Variants in MAN1C1 observed in about 807,000 individuals in gnomAD.
The protein encoded by MAN1C1 is mannosyl-oligosaccharide 1,2-alpha-mannosidase IC.
A neutral mutation model predicts 71.5 loss-of-function variants in MAN1C1; 49 were observed. That is an observed-to-expected ratio of 0.69 (90% confidence interval 0.54 to 0.87). The LOEUF is 0.87. Among genes scored for constraint, MAN1C1 ranks in the 40% least tolerant of loss-of-function variants. The pLI is 0.00. For missense variants in MAN1C1, 743 were observed against 835.0 expected (o/e 0.89, Z 1.36); for synonymous variants, 352 against 343.7 (o/e 1.02, Z -0.27).
intron 1 of MAN1C1, among the ~76,000 whole-genome samples, chr1:25,683,453 T>A (rs1334055222): frequency 6.6e-6 from 1 of 152,194 alleles, no homozygotes; most frequent in Non-Finnish European, 1.5e-5. Flanking sequence ...TTTGTGCCAG[T>A]CCTTGGATGC....
chr1:25,716,769 C>T (rs368726868), intron 2 of MAN1C1, among the ~76,000 whole-genome samples: 1 of 152,178 alleles, frequency 6.6e-6, no homozygotes, highest in African/African-American at 2.4e-5. Flanking sequence ...TGTATTTCAA[C>T]ACCACTAAAA....
At chr1:25,717,009 G>A (rs1355321963) in intron 2 of MAN1C1, among the ~76,000 whole-genome samples, 1 of 152,086 alleles carries the variant, frequency 6.6e-6, no homozygotes, top group Non-Finnish European at 1.5e-5. Context: ...TTGCTCCTGT[G>A]TATTGTCGAG....
At chr1:25,682,736 G>A (rs375174938) in intron 1 of MAN1C1, among the ~76,000 whole-genome samples, 10 of 152,094 alleles carry the variant, frequency 6.6e-5, no homozygotes, top group African/African-American at 2.2e-4. Flanking sequence ...ATCACTGAGC[G>A]TGTTCAAAAA....
chr1:25,754,099 G>A (rs1240010493), intron 5 of MAN1C1, among the ~76,000 whole-genome samples: 5 of 152,140 alleles, frequency 3.3e-5, no homozygotes, highest in Non-Finnish European at 5.9e-5. Context: ...CTCTCAAGGA[G>A]CCCTAGCCAC....
In MAN1C1 at chr1:25,746,116, C is replaced by A. The variant is rs1046134509; in HGVS notation, c.638-552C>A. Among the ~76,000 whole-genome samples, 1 of 151,970 alleles carries A rather than the reference C, an allele frequency of 6.6e-6. No individual in the cohort carries two copies. Among genetic ancestry groups the A allele is most frequent in the African/African-American group, 2.4e-5 (1 of 41,350 alleles). The stretch of plus-strand genomic sequence containing the variant: ...GGCCAGGAGTTCAAGACCAGCCTGG[C>A]CAACATGGTGAAACCCCATCTCTAC... On this transcript the variant is annotated intron_variant, in intron 2 of 11. Coordinates refer to ENST00000374332, the MANE Select transcript of MAN1C1 (RefSeq NM_020379.4). This position sits in a 1 kb window ranked among gnomAD's most constrained non-coding sequence, Gnocchi z 4.0.
chr1:25,703,352 A>T (rs1007125444), intron 2 of MAN1C1, among the ~76,000 whole-genome samples: 3 of 152,212 alleles, frequency 2.0e-5, no homozygotes, highest in African/African-American at 7.2e-5. Flanking sequence ...GAGCCGGCAC[A>T]TCTAGGAGTT....
intron 1 of MAN1C1, among the ~76,000 whole-genome samples, chr1:25,630,947 T>TTTTG (rs75709016): frequency 0.19 from 29,283 of 151,428 alleles, 3,112 homozygotes; most frequent in East Asian, 0.36. Flanking sequence ...AGTACTATGT[T>TTTTG]TTTGTTTGTT....
At chr1:25,693,810 G>C (rs988964092) in intron 2 of MAN1C1, among the ~76,000 whole-genome samples, 1 of 152,140 alleles carries the variant, frequency 6.6e-6, no homozygotes, top group Non-Finnish European at 1.5e-5. Context: ...TTGTAGTCTT[G>C]TCACTTTGGG....
chr1:25,676,335 C>T (rs2046067807), intron 1 of MAN1C1, among the ~76,000 whole-genome samples: 1 of 152,116 alleles, frequency 6.6e-6, no homozygotes, highest in Admixed American at 6.5e-5. Flanking sequence ...CTTCTACTCC[C>T]CCGCTTCACC....
intron 4 of MAN1C1, among the ~76,000 whole-genome samples, chr1:25,752,567 A>G (rs1440508893): frequency 6.6e-6 from 1 of 152,192 alleles, no homozygotes; most frequent in African/African-American, 2.4e-5. Context: ...AGTTTTTCCC[A>G]CTATTCTAAA....
intron 8 of MAN1C1, 73 bp downstream of exon 8, chr1:25,771,845 G>A: frequency 8.5e-7 from 1 of 1,175,836 alleles, no homozygotes; most frequent in South Asian, 1.3e-5. Flanking sequence ...GAGCGAGGGT[G>A]CTGCGGGCAG....
At chr1:25,699,046 C>G (rs573430257) in intron 2 of MAN1C1, among the ~76,000 whole-genome samples, 1 of 151,970 alleles carries the variant, frequency 6.6e-6, no homozygotes, top group South Asian at 2.1e-4. Context: ...GTGCCTCACG[C>G]CTATAATCCC....
At chr1:25,655,727 AT>A (rs1299837402) in intron 1 of MAN1C1, among the ~76,000 whole-genome samples, 2 of 151,924 alleles carry the variant, frequency 1.3e-5, no homozygotes, top group South Asian at 2.1e-4. Context: ...GAAATTCTTC[AT>A]TTTTTCCTCC....
chr1:25,636,193 C>A (rs150574419), intron 1 of MAN1C1, among the ~76,000 whole-genome samples: 2 of 152,166 alleles, frequency 1.3e-5, no homozygotes. Context: ...CAGCTGTGCA[C>A]GTATTGTCTT....
intron 1 of MAN1C1, among the ~76,000 whole-genome samples, chr1:25,647,980 C>T (rs1005091500): frequency 6.6e-6 from 1 of 152,194 alleles, no homozygotes; most frequent in Non-Finnish European, 1.5e-5. Flanking sequence ...GCTGGAAAGA[C>T]CTGGAGCCAG....
chr1:25,692,824 G>T (rs997833298), intron 2 of MAN1C1, among the ~76,000 whole-genome samples: 1 of 152,188 alleles, frequency 6.6e-6, no homozygotes, highest in African/African-American at 2.4e-5. Flanking sequence ...CGTGGTCAGG[G>T]TCTGCAGCCT....
At chr1:25,719,343 G>T (rs1395809828) in intron 2 of MAN1C1, among the ~76,000 whole-genome samples, 1 of 150,444 alleles carries the variant, frequency 6.6e-6, no homozygotes, top group Non-Finnish European at 1.5e-5. Flanking sequence ...AAAGTGCTGG[G>T]ATTACAGGCA....
intron 2 of MAN1C1, among the ~76,000 whole-genome samples, chr1:25,691,754 G>T (rs1318776559): frequency 6.6e-6 from 1 of 152,148 alleles, no homozygotes; most frequent in African/African-American, 2.4e-5. Flanking sequence ...GCCAATCATT[G>T]GTAGGCTGTG....
At chr1:25,714,397 A>G (rs887028263) in intron 2 of MAN1C1, among the ~76,000 whole-genome samples, 5 of 152,226 alleles carry the variant, frequency 3.3e-5, no homozygotes, top group Admixed American at 2.0e-4. Flanking sequence ...GTTTATAAGT[A>G]AAACTATTCT....
Sources: gnomAD v4.1 joint callset for allele counts (sites outside exome capture counted in the v4.1 genomes callset) on GRCh38, gnomAD v4.1.1 for gene constraint, Gnocchi (gnomAD v3.1) non-coding constraint, MANE v1.5 for transcripts, NCBI Gene and HGNC (gene_info 2026-07-23, HGNC 2026-07-21) for gene names.